The following RALGPS2 variants were observed in gnomAD, a reference collection of about 807,000 sequenced individuals.
The protein encoded by RALGPS2 is Ral GEF with PH domain and SH3 binding motif 2, also known as ras-specific guanine nucleotide-releasing factor RalGPS2.
In RALGPS2, 43 loss-of-function variants were observed where a neutral mutation model predicts 86.8. That is an observed-to-expected ratio of 0.50 (90% confidence interval 0.39 to 0.64). RALGPS2 has a LOEUF of 0.64. RALGPS2 is among the 30% of genes least tolerant of loss of function. The pLI is 0.00. For missense variants in RALGPS2, 536 were observed against 694.6 expected (o/e 0.77, Z 2.57); for synonymous variants, 243 against 231.3 (o/e 1.05, Z -0.46).
At chr1:178,747,234 A>G (rs996134337) in intron 1 of RALGPS2, 162 of 1,460,204 alleles carry the variant, frequency 1.1e-4, no homozygotes, top group Non-Finnish European at 1.5e-4. Flanking sequence ...TCAGGGTTCA[A>G]GGAGCCAGAT....
Position 178,917,178 on chromosome 1 carries a change from A to G in RALGPS2, c.*819A>G, listed in dbSNP as rs1333452802. ...AAAGTTTAGCTTTCTATATGAATTCATTGTTGGACCACAGATCTGCTTAAG... is the reference window on the plus strand; with the variant it reads ...AAAGTTTAGCTTTCTATATGAATTCGTTGTTGGACCACAGATCTGCTTAAG... On this transcript the variant is annotated 3_prime_UTR_variant, in exon 20 of 20. Coordinates refer to ENST00000367635, the MANE Select transcript of RALGPS2 (RefSeq NM_152663.5). 2.0e-5 allele frequency: 3 copies of G among 152,140 alleles called. No homozygotes were observed. The highest frequency in any genetic ancestry group is 2.9e-5 in the Non-Finnish European group (2 of 68,038). The allele number at this position is 152,140 out of a possible 1,614,324, so 9.4% of individuals were successfully genotyped here. A position where few individuals can be genotyped will look rare whatever the true frequency, so the allele number is the denominator to read the frequency against.
chr1:178,901,092 G>A (rs1431041215), intron 17 of RALGPS2, among the ~76,000 whole-genome samples: 3 of 152,006 alleles, frequency 2.0e-5, no homozygotes, highest in Non-Finnish European at 2.9e-5. Flanking sequence ...TCAATTTCAT[G>A]TTGTTATGAA....
chr1:178,896,682 A>G (rs374027957), intron 16 of RALGPS2, among the ~76,000 whole-genome samples: 2,390 of 143,746 alleles, frequency 0.017, 42 homozygotes, highest in African/African-American at 0.057. Flanking sequence ...TCATTGTTCA[A>G]TTCCCACCTA....
intron 1 of RALGPS2, among the ~76,000 whole-genome samples, chr1:178,773,270 A>G (rs1194584004): frequency 2.0e-5 from 3 of 152,164 alleles, no homozygotes; most frequent in African/African-American, 4.8e-5. Context: ...GCTTGACCCC[A>G]GGAATTGGAG....
intron 8 of RALGPS2, among the ~76,000 whole-genome samples, chr1:178,852,022 C>G (rs1244531163): frequency 1.3e-5 from 2 of 152,126 alleles, no homozygotes; most frequent in African/African-American, 2.4e-5. Flanking sequence ...TTAATTTCCC[C>G]TTTGAATCAA....
intron 1 of RALGPS2, among the ~76,000 whole-genome samples, chr1:178,768,451 T>A (rs1454379551): frequency 6.6e-6 from 1 of 152,244 alleles, no homozygotes; most frequent in Admixed American, 6.5e-5. Flanking sequence ...TGACTTTGCT[T>A]CTGTAACCAT....
chr1:178,862,484 T>C (rs1413785856), intron 8 of RALGPS2, among the ~76,000 whole-genome samples: 1 of 152,188 alleles, frequency 6.6e-6, no homozygotes, highest in Non-Finnish European at 1.5e-5. Context: ...TAAGAGGGAC[T>C]ATACAAAATG....
At chr1:178,835,024 C>T (rs1319888436) in intron 8 of RALGPS2, among the ~76,000 whole-genome samples, 1 of 152,218 alleles carries the variant, frequency 6.6e-6, no homozygotes, top group Non-Finnish European at 1.5e-5. Flanking sequence ...GTGATCCGCC[C>T]ATCTCAGTCT....
At chr1:178,895,769 A>G (rs1336617272) in intron 16 of RALGPS2, among the ~76,000 whole-genome samples, 1 of 151,990 alleles carries the variant, frequency 6.6e-6, no homozygotes, top group East Asian at 1.9e-4. Context: ...GGGGACATTT[A>G]TTGAAATGGG....
At chr1:178,779,432 C>T (rs1653271063) in intron 2 of RALGPS2, among the ~76,000 whole-genome samples, 1 of 152,026 alleles carries the variant, frequency 6.6e-6, no homozygotes, top group Non-Finnish European at 1.5e-5. Context: ...CTTAATAGCC[C>T]CAACTCCATT....
intron 8 of RALGPS2, chr1:178,849,986 C>A (rs1657069464): frequency 6.6e-6 from 1 of 152,530 alleles, no homozygotes; most frequent in African/African-American, 2.4e-5. Flanking sequence ...GAAATTGTTC[C>A]AGAAAGTCAC....
chr1:178,858,096 C>T (rs978488761), intron 8 of RALGPS2, among the ~76,000 whole-genome samples: 3 of 152,116 alleles, frequency 2.0e-5, no homozygotes. Flanking sequence ...TTTTCCAGAA[C>T]ATATGGATAA....
At position 178,749,973 on chromosome 1, in the gene RALGPS2, T is replaced by C. The variant is rs185443191; in HGVS notation, c.-84+24554T>C. On this transcript the variant is annotated intron_variant, in intron 1 of 19. Coordinates refer to ENST00000367635, the MANE Select transcript of RALGPS2 (RefSeq NM_152663.5). ...CACACACACACAAATTAGCCAGGCA[T>C]GGTGGCGCACACCTGTTGTCCCAGC... Among the ~76,000 whole-genome samples, 7 of 152,112 alleles carry C rather than the reference T, an allele frequency of 4.6e-5. No homozygotes were observed. The East Asian group carries it at 1.4e-3, about 29-fold the overall frequency.
At chr1:178,862,592 TTTTTA>T (rs1553272292) in intron 8 of RALGPS2, among the ~76,000 whole-genome samples, 2 of 118,824 alleles carry the variant, frequency 1.7e-5, no homozygotes, top group African/African-American at 3.6e-5. Context: ...AGTTGCATTT[TTTTTA>T]TTTATTTATT....
At chr1:178,788,828 GT>G (rs1394766441) in intron 4 of RALGPS2, among the ~76,000 whole-genome samples, 3 of 122,394 alleles carry the variant, frequency 2.5e-5, no homozygotes, top group Non-Finnish European at 5.2e-5. Context: ...CTTTTCTTTT[GT>G]TTTCTTTCTT....
intron 6 of RALGPS2, among the ~76,000 whole-genome samples, chr1:178,813,858 AT>A (rs761110934): frequency 3.3e-5 from 5 of 152,246 alleles, no homozygotes; most frequent in Non-Finnish European, 7.3e-5. Flanking sequence ...TGTTAACCGC[AT>A]CTACAAAATA....
chr1:178,779,293 A>G (rs1325407073), intron 2 of RALGPS2, among the ~76,000 whole-genome samples: 1 of 152,100 alleles, frequency 6.6e-6, no homozygotes, highest in Non-Finnish European at 1.5e-5. Context: ...TTCTTTGTGT[A>G]TAAATCTAGG....
At chr1:178,872,688 T>C (rs1658823292) in intron 8 of RALGPS2, among the ~76,000 whole-genome samples, 1 of 152,224 alleles carries the variant, frequency 6.6e-6, no homozygotes, top group Non-Finnish European at 1.5e-5. Context: ...ATGGCTTAAA[T>C]CTGGGAAAAA....
chr1:178,890,259 C>A (rs1477050639), intron 14 of RALGPS2, among the ~76,000 whole-genome samples: 1 of 151,880 alleles, frequency 6.6e-6, no homozygotes, highest in Non-Finnish European at 1.5e-5. Flanking sequence ...CTGCCTGTAG[C>A]AAATATCATA....
Sources: allele counts gnomAD v4.1 joint callset (sites outside exome capture counted in the v4.1 genomes callset), GRCh38; gene constraint gnomAD v4.1.1; transcripts MANE v1.5; gene names NCBI Gene and HGNC (gene_info 2026-07-23, HGNC 2026-07-21).